Variants in ACO2 observed in about 807,000 individuals in gnomAD.
ACO2 encodes the protein aconitate hydratase, mitochondrial.
Under a neutral mutation model 84.5 loss-of-function variants are expected in ACO2, and 31 were observed. The observed-to-expected ratio is 0.37, with a 90% CI of 0.28 to 0.50. ACO2 has a LOEUF of 0.50. ACO2 is among the 20% of genes least tolerant of loss of function. The pLI is 0.97. For missense variants in ACO2, 685 were observed against 1,029.3 expected, an observed-to-expected ratio of 0.67 and a Z score of 4.58; for synonymous variants, 414 against 412.7, an observed-to-expected ratio of 1.00 and a Z score of -0.04.
At chr22:41,476,694 A>G (rs1314430754) in intron 1 of ACO2, among the ~76,000 whole-genome samples, 3 of 152,288 alleles carry the variant, frequency 2.0e-5, no homozygotes, top group South Asian at 2.1e-4. Context: ...TGGGCAACAG[A>G]GCGAGACTCT....
chr22:41,488,705 G>A (rs1026040804), intron 1 of ACO2, among the ~76,000 whole-genome samples: 10 of 152,196 alleles, frequency 6.6e-5, no homozygotes, highest in African/African-American at 2.4e-4. Context: ...AGAAGGGCCT[G>A]GGTTCTGGGG....
intron 1 of ACO2, among the ~76,000 whole-genome samples, chr22:41,473,430 G>A (rs2037969677): frequency 6.6e-6 from 1 of 152,202 alleles, no homozygotes; most frequent in Non-Finnish European, 1.5e-5. Context: ...CTTGAACCCA[G>A]GAGGTGGAGG....
chr22:41,528,383 A>G (rs749811403), intron 17 of ACO2, 96 bp from the exon 18 acceptor site: 38 of 1,522,256 alleles, frequency 2.5e-5, no homozygotes, highest in Non-Finnish European at 3.4e-5. Context: ...CTGACCTCTT[A>G]GGTCCCCAGG....
rs567963064 is a variant in ACO2, at chr22:41,488,268, A to G, written c.37-11458A>G. 1.6e-4 allele frequency among the ~76,000 whole-genome samples: 25 copies of G among 152,306 alleles called. 1 individual carries two copies. In the South Asian group the frequency reaches 5.2e-3, roughly 32 times the overall value. On this transcript the variant is annotated intron_variant, in intron 1 of 17. Transcript: ENST00000216254. ...GCGCTATAGCAGATGGGACGTGGGCATGTCAAGATAGTGAGCCCTGGCTTT... is the reference window on the plus strand; with the variant it reads ...GCGCTATAGCAGATGGGACGTGGGCGTGTCAAGATAGTGAGCCCTGGCTTT...
rs192413318 is a variant in ACO2, at chr22:41,511,926, T to C, written c.483T>C (p.Tyr161=). 53 of 1,611,430 alleles carry C rather than the reference T, an allele frequency of 3.3e-5. No individual in the cohort carries two copies. In the Admixed American group the frequency reaches 6.9e-4, roughly 21 times the overall value. ...TCCTGGCAACTGCAGGTGCCAAATA[T>C]GGCGTGGGCTTCTGGAAGCCTGGAT... ...YNFLATAGAK[Y]GVGFWKPGSG... is the part of the protein sequence containing the mutation. Residue 161 remains tyrosine (Y), a synonymous_variant, in exon 4 of 18, where the codon TAT becomes TAC. Transcript: ENST00000216254.
In ACO2 at chr22:41,528,758, A is replaced by G. The variant is rs995367735; in HGVS notation, c.*145A>G. On this transcript the variant is annotated 3_prime_UTR_variant, in exon 18 of 18. Coordinates refer to ENST00000216254, the MANE Select transcript of ACO2 (RefSeq NM_001098.3). ...TGCTCCCCGCTTAGCCCACGGAGTG[A>G]CTGTGGTTGTGGTGGGGGGGTTCTT... 30 of 1,224,170 alleles carry G rather than the reference A, an allele frequency of 2.5e-5. No individual in the cohort carries two copies. Among genetic ancestry groups the G allele is most frequent in the Admixed American group, 5.8e-5 (2 of 34,350 alleles). 75.8% of individuals were successfully genotyped at this position (1,224,170 alleles called of 1,614,324 possible). A position where few individuals can be genotyped will look rare whatever the true frequency, so the allele number is the denominator to read the frequency against.
chr22:41,515,249 G>T lies in ACO2; in HGVS notation c.526-128G>T. On this transcript the variant is annotated intron_variant, in intron 4 of 17. Coordinates refer to ENST00000216254, the MANE Select transcript of ACO2 (RefSeq NM_001098.3). The surrounding 1 kb of genome is among the most constrained non-coding windows in gnomAD (Gnocchi z 5.8). The stretch of plus-strand genomic sequence containing the variant: ...CCTGGAGACGGCCTGGATTAAATGG[G>T]GCTGCTCCTACCAGTTCCATCCTGG... 8.9e-7 allele frequency: 1 copy of T among 1,128,744 alleles called. No individual in the cohort carries two copies. Among genetic ancestry groups the T allele is most frequent in the Non-Finnish European group, 1.3e-6 (1 of 762,776 alleles). 69.9% of individuals were successfully genotyped at this position (1,128,744 alleles called of 1,614,324 possible).
At chr22:41,513,516 C>G (rs1177372823) in intron 4 of ACO2, among the ~76,000 whole-genome samples, 1 of 152,250 alleles carries the variant, frequency 6.6e-6, no homozygotes, top group African/African-American at 2.4e-5. Context: ...TCCTCCACAT[C>G]ACAGCTTTCT....
In ACO2 at chr22:41,526,384, G is replaced by A; in HGVS notation, c.1884G>A (p.Lys628=). The A allele has an allele frequency of 6.2e-7, 1 of 1,613,904 alleles. No homozygotes were observed. Among genetic ancestry groups the A allele is most frequent in the Non-Finnish European group, 8.5e-7 (1 of 1,180,034 alleles). ...LIGAINIENG[K]ANSVRNAVTQ... Reference sequence around the variant, plus strand: ...GTGCCATCAACATTGAAAACGGCAAGGCCAACTCCGTGCGCAATGCCGTCA... The same window carrying A: ...GTGCCATCAACATTGAAAACGGCAAAGCCAACTCCGTGCGCAATGCCGTCA... The change falls in exon 15 of 18, where the codon AAG becomes AAA. Residue 628 remains lysine (K), a synonymous_variant. Coordinates refer to ENST00000216254, the MANE Select transcript of ACO2 (RefSeq NM_001098.3).
At position 41,469,597 on chromosome 22, in the gene ACO2, A is replaced by C. The variant is rs539083772; in HGVS notation, c.36+415A>C. On this transcript the variant is annotated intron_variant, in intron 1 of 17. Coordinates refer to ENST00000216254, the MANE Select transcript of ACO2 (RefSeq NM_001098.3). ...CTCACTTCCCATCTCTTAGCAACAG[A>C]GGCATGACAGCATCTACGGTTGCCA... 4.4e-5 allele frequency: 8 copies of C among 180,110 alleles called. No homozygotes were observed. In the South Asian group the frequency reaches 1.1e-3, roughly 25 times the overall value. 11.2% of individuals were successfully genotyped at this position (180,110 alleles called of 1,614,324 possible). A position where few individuals can be genotyped will look rare whatever the true frequency, so the allele number is the denominator to read the frequency against.
chr22:41,519,216 C>T (rs1259928856), intron 8 of ACO2, among the ~76,000 whole-genome samples: 1 of 152,188 alleles, frequency 6.6e-6, no homozygotes, highest in Non-Finnish European at 1.5e-5. Flanking sequence ...CCCTGAGACG[C>T]ACAGATCAGA....
chr22:41,482,250 C>T (rs2038096259), intron 1 of ACO2, among the ~76,000 whole-genome samples: 1 of 152,230 alleles, frequency 6.6e-6, no homozygotes, highest in East Asian at 1.9e-4. Context: ...GCAGTTGGGA[C>T]CAACAACCCC....
At chr22:41,493,568 T>C (rs892290888) in intron 1 of ACO2, among the ~76,000 whole-genome samples, 11 of 152,206 alleles carry the variant, frequency 7.2e-5, no homozygotes, top group Non-Finnish European at 1.5e-4. Flanking sequence ...GATAGACTAG[T>C]GAGAATGAGT....
In ACO2 at chr22:41,522,978, G is replaced by T. The variant is rs1173928449; in HGVS notation, c.1287G>T (p.Arg429=). The T allele has an allele frequency of 2.5e-6, 4 of 1,614,178 alleles. No homozygotes were observed. Among genetic ancestry groups the T allele is most frequent in the Non-Finnish European group, 3.4e-6 (4 of 1,180,030 alleles). ...GSEQIRATIE[R]DGYAQILRDL... The stretch of plus-strand genomic sequence containing the variant: ...AGCAGATCCGCGCCACCATTGAGCG[G>T]GACGGCTATGTGAGTGCCCATATCC... The change falls in exon 10 of 18, where the codon CGG becomes CGT. Residue 429 remains arginine (R), a synonymous_variant. Transcript: ENST00000216254.
chr22:41,520,045 A>T, intron 8 of ACO2, 126 bp from the exon 9 acceptor site: 1 of 752,668 alleles, frequency 1.3e-6, no homozygotes, highest in Non-Finnish European at 2.2e-6. Context: ...CCCTGTGATG[A>T]GGTTTCAGTC....
Position 41,528,791 on chromosome 22 carries a change from C to A in ACO2, c.*178C>A. 1 of 831,272 alleles carries A rather than the reference C, an allele frequency of 1.2e-6. No individual in the cohort carries two copies. 51.5% of individuals were successfully genotyped at this position (831,272 alleles called of 1,614,324 possible). On this transcript the variant is annotated 3_prime_UTR_variant, in exon 18 of 18. Transcript: ENST00000216254. ...TGTGGTGGGGGGGTTCTTAAAATAACTTTTTAGCCCCCGTCTTCCTATTTT... is the reference window on the plus strand; with the variant it reads ...TGTGGTGGGGGGGTTCTTAAAATAAATTTTTAGCCCCCGTCTTCCTATTTT...
At chr22:41,472,932 C>T (rs1411490097) in intron 1 of ACO2, among the ~76,000 whole-genome samples, 1 of 152,146 alleles carries the variant, frequency 6.6e-6, no homozygotes, top group Non-Finnish European at 1.5e-5. Flanking sequence ...AGTCATGTAA[C>T]CTCTTGCATA....
intron 3 of ACO2, 141 bp downstream of exon 3, chr22:41,508,190 C>G (rs1040629948): frequency 4.6e-5 from 52 of 1,122,784 alleles, no homozygotes; most frequent in Non-Finnish European, 6.3e-5. Flanking sequence ...CTTGATTTTA[C>G]TTGTTTCTCT....
chr22:41,528,406 T>C, intron 17 of ACO2, 73 bp from the exon 18 acceptor site: 1 of 1,569,530 alleles, frequency 6.4e-7, no homozygotes, highest in South Asian at 1.2e-5. Flanking sequence ...GTGCCCTGTC[T>C]CCCTGACCCC....
Sources: allele counts gnomAD v4.1 joint callset (sites outside exome capture counted in the v4.1 genomes callset), GRCh38; gene constraint gnomAD v4.1.1; non-coding constraint Gnocchi (gnomAD v3.1); transcripts MANE v1.5; gene names NCBI Gene and HGNC (gene_info 2026-07-23, HGNC 2026-07-21).